The following PALS1 variants were observed in gnomAD, a reference collection of about 807,000 sequenced individuals.
The protein encoded by PALS1 is protein associated with LIN7 1, MAGUK p55 family member, also known as protein PALS1.
In PALS1, 31 loss-of-function variants were observed where a neutral mutation model predicts 78.9. That is an observed-to-expected ratio of 0.39 (90% CI 0.30 to 0.53). The LOEUF is 0.53. Ranked by LOEUF, PALS1 falls within the 20% of genes least tolerant of loss-of-function variation. The pLI, the probability that PALS1 is intolerant of heterozygous loss-of-function variation, is 0.67. For missense variants in PALS1, 704 were observed against 826.5 expected, an observed-to-expected ratio of 0.85 and a Z score of 1.82; for synonymous variants, 276 against 270.9, an observed-to-expected ratio of 1.02 and a Z score of -0.18.
intron 1 of PALS1, among the ~76,000 whole-genome samples, chr14:67,257,802 A>G (rs1176140761): frequency 1.3e-5 from 2 of 152,214 alleles, no homozygotes; most frequent in South Asian, 2.1e-4. Flanking sequence ...ATTGTTCTTC[A>G]TAGTAGGTTT....
At chr14:67,325,964 A>G (rs1161011986) in intron 14 of PALS1, among the ~76,000 whole-genome samples, 3 of 141,606 alleles carry the variant, frequency 2.1e-5, no homozygotes, top group Admixed American at 7.1e-5. Context: ...ACCTGCCACC[A>G]CACCCGGCTC....
chr14:67,255,400 C>CT (rs758861705), intron 1 of PALS1, among the ~76,000 whole-genome samples: 57 of 151,968 alleles, frequency 3.8e-4, no homozygotes, highest in Non-Finnish European at 6.6e-4. Context: ...TGTTAGAGGT[C>CT]TTTTTTGGAA....
chr14:67,271,584 G>T (rs2084407572), intron 2 of PALS1: 1 of 152,234 alleles, frequency 6.6e-6, no homozygotes, highest in African/African-American at 2.4e-5. Context: ...AAAAGAGTAG[G>T]CAAAGATCAG....
intron 14 of PALS1, among the ~76,000 whole-genome samples, chr14:67,329,849 A>AATAC (rs1373592739): frequency 9.1e-6 from 1 of 109,890 alleles, no homozygotes; most frequent in Non-Finnish European, 1.6e-5. Context: ...TAAATAAATA[A>AATAC]ATAAATAAAT....
At chr14:67,243,519 G>A (rs2083937565) in intron 1 of PALS1, among the ~76,000 whole-genome samples, 1 of 112,756 alleles carries the variant, frequency 8.9e-6, no homozygotes, top group African/African-American at 3.5e-5. Context: ...TTGAGACGGA[G>A]TCTCGCGCTG....
intron 8 of PALS1, among the ~76,000 whole-genome samples, chr14:67,309,302 A>C (rs570205794): frequency 7.7e-4 from 118 of 152,328 alleles, no homozygotes; most frequent in African/African-American, 2.8e-3. Context: ...AATCAGTGGA[A>C]TATATGGATA....
intron 1 of PALS1, among the ~76,000 whole-genome samples, chr14:67,269,205 A>G (rs1229814087): frequency 6.6e-6 from 1 of 152,036 alleles, no homozygotes; most frequent in African/African-American, 2.4e-5. Context: ...TCACTACTTC[A>G]TTTTTATTTT....
intron 4 of PALS1, among the ~76,000 whole-genome samples, chr14:67,293,295 T>G (rs559205837): frequency 6.6e-6 from 1 of 152,168 alleles, no homozygotes; most frequent in Non-Finnish European, 1.5e-5. Context: ...AAATTTAAGA[T>G]TTAAAAAGGG....
At chr14:67,274,239 G>A (rs959976620) in intron 2 of PALS1, among the ~76,000 whole-genome samples, 4 of 152,054 alleles carry the variant, frequency 2.6e-5, no homozygotes, top group African/African-American at 9.7e-5. Flanking sequence ...TTTCTTCTAG[G>A]GTTTTTCTGG....
Position 67,321,092 on chromosome 14 carries a change from G to A in PALS1, c.1573G>A (p.Gly525Ser), listed in dbSNP as rs369412623. 2.5e-5 allele frequency: 40 copies of A among 1,613,954 alleles called. No homozygotes were observed. The Admixed American group carries it at 4.2e-4, about 17-fold the overall frequency. The stretch of plus-strand genomic sequence containing the variant: ...GAGTAGGCGAGACCAAGAAGTAGCC[G>A]GTAGAGATTACCACTTTGTTTCGCG... ...TRSRRDQEVAGRDYHFVSRQA... is the reference protein window; with the variant it reads ...TRSRRDQEVASRDYHFVSRQA... The change falls in exon 13 of 15, where the codon GGT becomes AGT. Residue 525 changes from glycine (G) to serine (S), a missense_variant. By Grantham distance (56) the Gly-to-Ser change is moderately conservative (BLOSUM62 0). Transcript: ENST00000261681.
At chr14:67,325,268 A>T (rs979937833) in intron 14 of PALS1, among the ~76,000 whole-genome samples, 5 of 151,888 alleles carry the variant, frequency 3.3e-5, no homozygotes, top group African/African-American at 1.2e-4. Flanking sequence ...CACCCTCCAA[A>T]ATATCTTTTT....
chr14:67,301,140 G>A (rs1031901806), intron 4 of PALS1, among the ~76,000 whole-genome samples: 17 of 151,928 alleles, frequency 1.1e-4, no homozygotes, highest in African/African-American at 2.2e-4. Context: ...TGGGTGAAAC[G>A]TTCAAGATGG....
chr14:67,242,347 G>A lies in PALS1; in HGVS notation c.-237+814G>A, dbSNP rs559732368. On this transcript the variant is annotated intron_variant, in intron 1 of 14. Transcript: ENST00000261681. ...GAGTGTGTGTTTTGTCTCCATACTC[G>A]TTTAGAATAGTAAGAATTTAGATTT... Among the ~76,000 whole-genome samples the A allele has an allele frequency of 2.0e-5, 3 of 152,248 alleles. No individual in the cohort carries two copies. In the South Asian group the frequency reaches 6.2e-4, roughly 32 times the overall value.
rs183908558 is a variant in PALS1 at position 67,249,612 on chromosome 14, A to G, written c.-237+8079A>G. Among the ~76,000 whole-genome samples the G allele has an allele frequency of 3.4e-3, 522 of 152,340 alleles. 2 individuals carry two copies. The highest frequency in any genetic ancestry group is 0.012 in the African/African-American group (499 of 41,576). On this transcript the variant is annotated intron_variant, in intron 1 of 14. Coordinates refer to ENST00000261681, the MANE Select transcript of PALS1 (RefSeq NM_022474.4). ...ATATCTAATAAGTTCAAATATTAGAAATTTTAATTATGTGTCTATAGTTAT... is the reference window on the plus strand; with the variant it reads ...ATATCTAATAAGTTCAAATATTAGAGATTTTAATTATGTGTCTATAGTTAT...
chr14:67,270,675 G>A (rs916270714), intron 2 of PALS1: 2 of 151,170 alleles, frequency 1.3e-5, no homozygotes, highest in Non-Finnish European at 2.9e-5. Context: ...TAGACTACAT[G>A]TATGGGCTAG....
In PALS1 at chr14:67,304,539, A is replaced by G. The variant is rs555106147; in HGVS notation, c.1041+940A>G. ...TTATGCTGAGCGAAGGAAGCCAGTC[A>G]CAAAAGGCCATATATTGGTTCATTT... is the stretch of plus-strand genomic sequence containing the variant. On this transcript the variant is annotated intron_variant, in intron 8 of 14. Transcript: ENST00000261681. Among the ~76,000 whole-genome samples the G allele has an allele frequency of 9.3e-4, 142 of 152,376 alleles. 1 individual carries two copies. Among genetic ancestry groups the G allele is most frequent in the Admixed American group, 9.3e-3 (142 of 15,306 alleles).
chr14:67,328,139 C>G (rs1485016456), intron 14 of PALS1, among the ~76,000 whole-genome samples: 1 of 152,196 alleles, frequency 6.6e-6, no homozygotes, highest in Non-Finnish European at 1.5e-5. Context: ...TCCTCTCCAG[C>G]ACCTGTTGTT....
At chr14:67,307,908 A>C (rs539525468) in intron 8 of PALS1, among the ~76,000 whole-genome samples, 11 of 152,226 alleles carry the variant, frequency 7.2e-5, no homozygotes, top group Non-Finnish European at 1.6e-4. Flanking sequence ...AGCCATAAAA[A>C]AATGAGATCA....
intron 3 of PALS1, among the ~76,000 whole-genome samples, chr14:67,291,446 G>A (rs1463866769): frequency 2.0e-5 from 3 of 151,934 alleles, no homozygotes; most frequent in Middle Eastern, 3.2e-3. Context: ...CACTGTTCCC[G>A]GCTAATTTTT....
Sources: allele counts gnomAD v4.1 joint callset (sites outside exome capture counted in the v4.1 genomes callset), GRCh38; gene constraint gnomAD v4.1.1; transcripts MANE v1.5; gene names NCBI Gene and HGNC (gene_info 2026-07-23, HGNC 2026-07-21).